EPHX1: variants seen among roughly 807,000 people sequenced by gnomAD.
EPHX1 encodes the protein epoxide hydrolase 1, also known as epoxide hydratase.
Under a neutral mutation model 43.2 loss-of-function variants are expected in EPHX1, and 40 were observed. That is an observed-to-expected ratio of 0.93 (90% CI 0.72 to 1.21). The LOEUF is 1.21. EPHX1 is among the 50% of genes most tolerant of loss of function. The pLI, the probability that EPHX1 is intolerant of heterozygous loss-of-function variation, is 0.00. For missense variants in EPHX1, 550 were observed against 570.4 expected (o/e 0.96, Z 0.36); for synonymous variants, 221 against 226.7 (o/e 0.98, Z 0.22).
rs1386748534 is a variant in EPHX1 at position 225,845,534 on chromosome 1, G to C, written c.*187G>C. The C allele has an allele frequency of 1.6e-6, 1 of 632,230 alleles. No homozygotes were observed. Among genetic ancestry groups the C allele is most frequent in the East Asian group, 2.7e-5 (1 of 36,686 alleles). The allele number at this position is 632,230 out of a possible 1,614,324, so 39.2% of individuals were successfully genotyped here. A position where few individuals can be genotyped will look rare whatever the true frequency, so the allele number is the denominator to read the frequency against. On this transcript the variant is annotated 3_prime_UTR_variant, in exon 9 of 9. Transcript: ENST00000272167. ...CCAACTCCGTGTGGTAAGCAACATG[G>C]CTTTGATGATAAACGACTTTACTCT...
At chr1:225,826,438 ACTCTGT>A (rs1329039902) in intron 1 of EPHX1, among the ~76,000 whole-genome samples, 1 of 97,770 alleles carries the variant, frequency 1.0e-5, no homozygotes. Context: ...ACTCTTTGAG[ACTCTGT>A]CTCAAAAAAA....
chr1:225,812,546 C>T (rs1264113236), intron 1 of EPHX1, among the ~76,000 whole-genome samples: 2 of 152,220 alleles, frequency 1.3e-5, no homozygotes, highest in African/African-American at 4.8e-5. Flanking sequence ...CTGGCATTTT[C>T]AGGGAGCCCA....
chr1:225,816,993 T>G (rs1490381158), intron 1 of EPHX1, among the ~76,000 whole-genome samples: 1 of 152,226 alleles, frequency 6.6e-6, no homozygotes, highest in Non-Finnish European at 1.5e-5. Flanking sequence ...CTCCTGACAC[T>G]TTTTACTGCT....
chr1:225,829,669 C>T (rs533230928), intron 2 of EPHX1, among the ~76,000 whole-genome samples: 65 of 152,286 alleles, frequency 4.3e-4, no homozygotes, highest in Admixed American at 3.8e-3. Flanking sequence ...TGAGCACCTA[C>T]TGTGTGCAGG....
chr1:225,814,238 A>G (rs987631082), intron 1 of EPHX1, among the ~76,000 whole-genome samples: 1 of 152,174 alleles, frequency 6.6e-6, no homozygotes, highest in Non-Finnish European at 1.5e-5. Context: ...CCTCGTCTCT[A>G]TAAAGAATAA....
chr1:225,842,207 A>G (rs1272532580), intron 6 of EPHX1, among the ~76,000 whole-genome samples, 159 bp from the exon 7 acceptor site: 14 of 152,198 alleles, frequency 9.2e-5, no homozygotes, highest in Non-Finnish European at 2.1e-4. Context: ...TAAGGAAGCG[A>G]GGCATGTGAG....
chr1:225,836,051 T>TA (rs781287134), intron 3 of EPHX1, among the ~76,000 whole-genome samples: 31 of 151,110 alleles, frequency 2.1e-4, no homozygotes, highest in East Asian at 7.7e-4. Flanking sequence ...ATTGTTAAGT[T>TA]AAAAAAAAAG....
At chr1:225,831,215 C>T (rs1346376746) in intron 2 of EPHX1, among the ~76,000 whole-genome samples, 1 of 152,132 alleles carries the variant, frequency 6.6e-6, no homozygotes, top group Non-Finnish European at 1.5e-5. Context: ...TGTAGAGACG[C>T]CTGGGTAAAT....
At chr1:225,833,332 A>G (rs1315548908) in intron 3 of EPHX1, among the ~76,000 whole-genome samples, 1 of 152,250 alleles carries the variant, frequency 6.6e-6, no homozygotes, top group Non-Finnish European at 1.5e-5. Flanking sequence ...AGTTCCTAAA[A>G]AAAGGAAATT....
Position 225,840,026 on chromosome 1 carries a change from C to G in EPHX1, c.920C>G (p.Pro307Arg). The G allele has an allele frequency of 6.2e-7, 1 of 1,614,098 alleles. No individual in the cohort carries two copies. The highest frequency in any genetic ancestry group is 2.2e-5 in the East Asian group (1 of 44,880). Reference sequence around the variant, plus strand: ...TACATGCACATCCAGTGCACCAAGCCTGACACCGTAGGTGAGTGTGCTCAG... The same window carrying G: ...TACATGCACATCCAGTGCACCAAGCGTGACACCGTAGGTGAGTGTGCTCAG... ...SGYMHIQCTK[P>R]DTVGSALNDS... Residue 307 changes from proline (P) to arginine (R), a missense_variant, in exon 6 of 9, where the codon CCT becomes CGT. Pro to Arg is a moderately radical substitution (Grantham distance 103). Coordinates refer to ENST00000272167, the MANE Select transcript of EPHX1 (RefSeq NM_001136018.4).
At chr1:225,842,531 C>A in intron 7 of EPHX1, 57 bp downstream of exon 7, 1 of 1,188,100 alleles carries the variant, frequency 8.4e-7, no homozygotes, top group South Asian at 1.2e-5. Context: ...CCAACCTCCT[C>A]ACCCTCTTCA....
intron 1 of EPHX1, among the ~76,000 whole-genome samples, chr1:225,822,037 A>G (rs946725130): frequency 6.6e-6 from 1 of 152,200 alleles, no homozygotes; most frequent in African/African-American, 2.4e-5. Context: ...TTGATTGCTC[A>G]TCTAACTTCT....
intron 1 of EPHX1, among the ~76,000 whole-genome samples, chr1:225,820,347 C>T (rs1020255855): frequency 6.6e-6 from 1 of 152,148 alleles, no homozygotes; most frequent in Non-Finnish European, 1.5e-5. Flanking sequence ...CCTTGGCCTC[C>T]AAAGTGCTGG....
In EPHX1 at chr1:225,817,105, G is replaced by A. The variant is rs555471515; in HGVS notation, c.-6+6936G>A. Among the ~76,000 whole-genome samples, 3 of 152,152 alleles carry A rather than the reference G, an allele frequency of 2.0e-5. No homozygotes were observed. Among genetic ancestry groups the A allele is most frequent in the African/African-American group, 7.2e-5 (3 of 41,512 alleles). On this transcript the variant is annotated intron_variant, in intron 1 of 8. Coordinates refer to ENST00000272167, the MANE Select transcript of EPHX1 (RefSeq NM_001136018.4). This position sits in a 1 kb window ranked among gnomAD's most constrained non-coding sequence, Gnocchi z 5.7. ...TGTTTTCCCAGGGCTTGGCTCCGGC[G>A]CTTGCACAGAGATAAACACGGCCAT...
At chr1:225,832,122 C>T in intron 3 of EPHX1, 163 bp downstream of exon 3, 3 of 746,980 alleles carry the variant, frequency 4.0e-6, no homozygotes, top group Admixed American at 4.1e-5. Flanking sequence ...AAAAATATTG[C>T]AGTCACAACA....
chr1:225,813,634 C>T (rs991472067), intron 1 of EPHX1, among the ~76,000 whole-genome samples: 1 of 152,244 alleles, frequency 6.6e-6, no homozygotes, highest in Non-Finnish European at 1.5e-5. Context: ...TTTACTTTCC[C>T]AGGGGAAGTC....
At chr1:225,813,268 C>T (rs1285051448) in intron 1 of EPHX1, among the ~76,000 whole-genome samples, 1 of 152,204 alleles carries the variant, frequency 6.6e-6, no homozygotes, top group Non-Finnish European at 1.5e-5. Flanking sequence ...GTTCAAGAGC[C>T]CTGAGTCAAG....
chr1:225,828,761 T>C lies in EPHX1; in HGVS notation c.32T>C (p.Leu11Pro). The change falls in exon 2 of 9, where the codon CTG becomes CCG. Residue 11 changes from leucine (L) to proline (P), a missense_variant. Coordinates refer to ENST00000272167, the MANE Select transcript of EPHX1 (RefSeq NM_001136018.4). The stretch of plus-strand genomic sequence containing the variant: ...CTAGAAATCCTCCTCACTTCAGTGC[T>C]GGGCTTTGCCATCTACTGGTTCATC... MWLEILLTSV[L>P]GFAIYWFISR... 1 of 1,613,618 alleles carries C rather than the reference T, an allele frequency of 6.2e-7. No individual in the cohort carries two copies. Among genetic ancestry groups the C allele is most frequent in the Non-Finnish European group, 8.5e-7 (1 of 1,179,922 alleles).
intron 6 of EPHX1, among the ~76,000 whole-genome samples, chr1:225,841,419 A>C (rs1021111349): frequency 6.6e-6 from 1 of 151,384 alleles, no homozygotes; most frequent in African/African-American, 2.4e-5. Context: ...AGTAGCTGGG[A>C]TTACAGGCAC....
Sources: gnomAD v4.1 joint callset for allele counts (sites outside exome capture counted in the v4.1 genomes callset) on GRCh38, gnomAD v4.1.1 for gene constraint, Gnocchi (gnomAD v3.1) non-coding constraint, MANE v1.5 for transcripts, NCBI Gene and HGNC (gene_info 2026-07-23, HGNC 2026-07-21) for gene names.